Variants in NTM observed in about 807,000 individuals in gnomAD.
NTM encodes IgLON family member 2.
Under a neutral mutation model 42.1 loss-of-function variants are expected in NTM, and 13 were observed. That is an observed-to-expected ratio of 0.31 (90% confidence interval 0.20 to 0.49). The LOEUF (loss-of-function observed/expected upper bound fraction) is 0.49. Ranked by LOEUF, NTM falls within the 20% of genes least tolerant of loss-of-function variation. The pLI, the probability that NTM is intolerant of heterozygous loss-of-function variation, is 0.99. For missense variants in NTM, 373 were observed against 452.8 expected, an observed-to-expected ratio of 0.82 and a Z score of 1.60; for synonymous variants, 187 against 179.2, an observed-to-expected ratio of 1.04 and a Z score of -0.35.
intron 3 of NTM, among the ~76,000 whole-genome samples, chr11:132,198,354 A>G (rs1188404208): frequency 6.6e-6 from 1 of 152,072 alleles, no homozygotes; most frequent in East Asian, 1.9e-4. Flanking sequence ...ATGCCAGCAT[A>G]AACAGCTAAG....
In NTM at chr11:131,885,070, C is replaced by T. The variant is rs114380107; in HGVS notation, c.83-26494C>T. ...TCCCTCATCCTAATGTAAAGAAGAGCCTCAGAGTAGAGCAGGGTTGACAGA... is the reference window on the plus strand; with the variant it reads ...TCCCTCATCCTAATGTAAAGAAGAGTCTCAGAGTAGAGCAGGGTTGACAGA... On this transcript the variant is annotated intron_variant, in intron 1 of 8. Transcript: ENST00000683400. Among the ~76,000 whole-genome samples, 505 of 152,172 alleles carry T rather than the reference C, an allele frequency of 3.3e-3. 2 individuals carry two copies. Among genetic ancestry groups the T allele is most frequent in the African/African-American group, 0.011 (477 of 41,518 alleles).
chr11:132,067,379 G>A (rs898797260), intron 2 of NTM, among the ~76,000 whole-genome samples: 6 of 152,154 alleles, frequency 3.9e-5, no homozygotes, highest in East Asian at 3.9e-4. Flanking sequence ...GCCTGTTACA[G>A]CATCAACTCA....
At chr11:131,943,740 C>A (rs2060053252) in intron 2 of NTM, among the ~76,000 whole-genome samples, 3 of 152,166 alleles carry the variant, frequency 2.0e-5, no homozygotes, top group Admixed American at 2.0e-4. Flanking sequence ...GGTGCCAGTT[C>A]TGTCATTAGA....
intron 4 of NTM, among the ~76,000 whole-genome samples, chr11:132,231,318 G>A (rs367558444): frequency 1.3e-5 from 2 of 152,306 alleles, no homozygotes; most frequent in Admixed American, 6.5e-5. Context: ...GTGTTTCCAA[G>A]TCTCCATGTC....
chr11:132,224,923 T>A (rs1392020511), intron 4 of NTM, among the ~76,000 whole-genome samples: 1 of 152,192 alleles, frequency 6.6e-6, no homozygotes, highest in Non-Finnish European at 1.5e-5. Flanking sequence ...TCTGTCCAGC[T>A]TTTCTCCTGT....
At chr11:132,025,496 G>A (rs1028128447) in intron 2 of NTM, among the ~76,000 whole-genome samples, 6 of 152,150 alleles carry the variant, frequency 3.9e-5, no homozygotes, top group African/African-American at 1.4e-4. Flanking sequence ...ACATACTCGG[G>A]CCCCATTTCT....
chr11:131,504,081 A>T (rs1324604321), intron 1 of NTM, among the ~76,000 whole-genome samples: 1 of 152,142 alleles, frequency 6.6e-6, no homozygotes, highest in Admixed American at 6.5e-5. Flanking sequence ...AGGACTGCTC[A>T]TCCAGGGCTC....
At chr11:132,317,711 A>AT (rs1359184690) in intron 7 of NTM, 1 of 1,298,010 alleles carries the variant, frequency 7.7e-7, no homozygotes, top group Admixed American at 2.3e-5. Context: ...TCCTTGCTTT[A>AT]TGTTTTGTCT....
At chr11:131,501,488 A>G (rs982461566) in intron 1 of NTM, among the ~76,000 whole-genome samples, 1 of 152,146 alleles carries the variant, frequency 6.6e-6, no homozygotes, top group African/African-American at 2.4e-5. Context: ...GCAGGAGATG[A>G]TGCTTAGAGA....
intron 2 of NTM, among the ~76,000 whole-genome samples, chr11:131,916,363 G>A (rs1041164839): frequency 6.6e-6 from 1 of 152,244 alleles, no homozygotes; most frequent in Non-Finnish European, 1.5e-5. Flanking sequence ...CTAGTAAAGT[G>A]CATTCTTTCC....
At chr11:131,376,239 T>A (rs1941958160) in intron 1 of NTM, among the ~76,000 whole-genome samples, 1 of 152,132 alleles carries the variant, frequency 6.6e-6, no homozygotes, top group Non-Finnish European at 1.5e-5. Flanking sequence ...AATTACAGAG[T>A]CTTCCATTAT....
At chr11:131,971,721 A>G (rs1341562543) in intron 2 of NTM, among the ~76,000 whole-genome samples, 2 of 145,366 alleles carry the variant, frequency 1.4e-5, no homozygotes, top group African/African-American at 5.2e-5. Context: ...CTTGAGCAAC[A>G]TTCTGAGACC....
chr11:131,461,269 G>A (rs113697377), intron 1 of NTM, among the ~76,000 whole-genome samples: 2 of 152,230 alleles, frequency 1.3e-5, no homozygotes, highest in African/African-American at 4.8e-5. Context: ...TTGTTGCAAA[G>A]TAGAATGTCT....
chr11:131,503,056 T>A (rs1226366691), intron 1 of NTM: 1 of 152,518 alleles, frequency 6.6e-6, no homozygotes, highest in Non-Finnish European at 1.5e-5. Flanking sequence ...GGAGAGGGAC[T>A]GCAGTCAGGG....
At chr11:131,520,024 C>T (rs890933318) in intron 1 of NTM, among the ~76,000 whole-genome samples, 1 of 151,972 alleles carries the variant, frequency 6.6e-6, no homozygotes, top group Non-Finnish European at 1.5e-5. Flanking sequence ...ACTTTCAGGT[C>T]TTCATAGGAG....
At chr11:132,165,434 T>G (rs1381710385) in intron 3 of NTM, among the ~76,000 whole-genome samples, 2 of 152,200 alleles carry the variant, frequency 1.3e-5, no homozygotes, top group Admixed American at 6.5e-5. Flanking sequence ...TTTACCTAAC[T>G]TATTGCCTTC....
chr11:132,014,208 A>G (rs1213412958), intron 2 of NTM, among the ~76,000 whole-genome samples: 1 of 152,090 alleles, frequency 6.6e-6, no homozygotes, highest in Non-Finnish European at 1.5e-5. Flanking sequence ...AATGAAAGAC[A>G]TGATTTCATT....
At chr11:132,155,272 G>C (rs2072917670) in intron 3 of NTM, among the ~76,000 whole-genome samples, 1 of 152,152 alleles carries the variant, frequency 6.6e-6, no homozygotes, top group African/African-American at 2.4e-5. Context: ...ACCTTTTATA[G>C]AAGTGTTTTT....
chr11:131,785,525 C>A lies in NTM; in HGVS notation c.83-126039C>A, dbSNP rs146217525. Among the ~76,000 whole-genome samples the A allele has an allele frequency of 2.2e-3, 330 of 152,266 alleles. 2 individuals carry two copies. In the Middle Eastern group the frequency reaches 0.031, roughly 14 times the overall value. ...TATCCTTTTCCACTGAAAGAAAGAG[C>A]ATGCTGGTTTTCTGAAAGAAAATAT... On this transcript the variant is annotated intron_variant, in intron 1 of 8. Transcript: ENST00000683400.
Sources: allele counts gnomAD v4.1 joint callset (sites outside exome capture counted in the v4.1 genomes callset), GRCh38; gene constraint gnomAD v4.1.1; transcripts MANE v1.5; gene names NCBI Gene and HGNC (gene_info 2026-07-23, HGNC 2026-07-21).